Variants in NPAS3 observed in about 807,000 individuals in gnomAD.
NPAS3 encodes the protein neuronal PAS domain protein 3, also known as neuronal PAS domain-containing protein 3.
In NPAS3, 14 loss-of-function variants were observed where a neutral mutation model predicts 73.1. The ratio of observed to expected loss-of-function variants is 0.19; its 90% CI spans 0.13 to 0.30. The LOEUF (loss-of-function observed/expected upper bound fraction) is 0.30. NPAS3 is among the 10% of genes least tolerant of loss of function. The pLI is 1.00. For missense variants in NPAS3, 1,096 were observed against 1,250.0 expected (o/e 0.88, Z 1.86); for synonymous variants, 620 against 541.5 (o/e 1.14, Z -2.01).
At position 33,235,730 on chromosome 14, in the gene NPAS3, A is replaced by G. The variant is rs185912956; in HGVS notation, c.385+20304A>G. 4.5e-3 allele frequency among the ~76,000 whole-genome samples: 690 copies of G among 151,986 alleles called. 2 individuals carry two copies. Among genetic ancestry groups the G allele is most frequent in the African/African-American group, 0.016 (655 of 41,472 alleles). On this transcript the variant is annotated intron_variant, in intron 3 of 11. Transcript: ENST00000356141. ...TCTGTATTTCTTATCACTCTCAGAG[A>G]CACAGAACCAAATGAATCTTTTGAG...
chr14:33,540,002 C>T (rs986071226), intron 4 of NPAS3, among the ~76,000 whole-genome samples: 1 of 152,182 alleles, frequency 6.6e-6, no homozygotes, highest in South Asian at 2.1e-4. Flanking sequence ...CTGCCTTCAC[C>T]TCTCTTTATG....
At chr14:33,713,279 C>T (rs896114891) in intron 6 of NPAS3, among the ~76,000 whole-genome samples, 2 of 152,194 alleles carry the variant, frequency 1.3e-5, no homozygotes, top group Admixed American at 1.3e-4. Context: ...AAACAGGTTC[C>T]TTCCATCGTG....
chr14:33,267,553 T>G, intron 3 of NPAS3, among the ~76,000 whole-genome samples: 1 of 152,266 alleles, frequency 6.6e-6, no homozygotes, highest in South Asian at 2.1e-4. Flanking sequence ...AAATTAAGCT[T>G]TTTTCCCCTA....
At chr14:33,366,409 A>T (rs2045846792) in intron 3 of NPAS3, among the ~76,000 whole-genome samples, 1 of 152,080 alleles carries the variant, frequency 6.6e-6, no homozygotes, top group Non-Finnish European at 1.5e-5. Context: ...GTTAAGGATT[A>T]TGAGGACTCC....
At chr14:33,211,605 A>T (rs1194573001) in intron 2 of NPAS3, among the ~76,000 whole-genome samples, 1 of 152,172 alleles carries the variant, frequency 6.6e-6, no homozygotes, top group South Asian at 2.1e-4. Flanking sequence ...GGTTGGTGTG[A>T]TGGACTACAT....
chr14:33,168,187 T>G (rs1206556127), intron 2 of NPAS3, among the ~76,000 whole-genome samples: 1 of 152,202 alleles, frequency 6.6e-6, no homozygotes, highest in African/African-American at 2.4e-5. Flanking sequence ...CTGGAGCACA[T>G]TTGCCTCTAA....
chr14:33,445,417 A>G (rs954200236), intron 4 of NPAS3, among the ~76,000 whole-genome samples: 9 of 152,222 alleles, frequency 5.9e-5, no homozygotes, highest in Admixed American at 1.3e-4. Flanking sequence ...GTTTCACCCC[A>G]ACTCTGACAT....
chr14:32,951,770 A>C (rs1317578580), intron 1 of NPAS3, among the ~76,000 whole-genome samples: 1 of 152,126 alleles, frequency 6.6e-6, no homozygotes, highest in Admixed American at 6.6e-5. Flanking sequence ...TTTATAGAGG[A>C]ATAAATTTCT....
At chr14:33,166,888 C>T (rs1387337974) in intron 2 of NPAS3, among the ~76,000 whole-genome samples, 1 of 152,194 alleles carries the variant, frequency 6.6e-6, no homozygotes, top group Non-Finnish European at 1.5e-5. Context: ...GAATGCTTTT[C>T]ATTTCACTTA....
intron 1 of NPAS3, among the ~76,000 whole-genome samples, chr14:33,009,369 T>A (rs1255532599): frequency 6.6e-6 from 1 of 152,110 alleles, no homozygotes; most frequent in Non-Finnish European, 1.5e-5. Context: ...TTGAGAGAAT[T>A]GTGTCTTGAT....
intron 4 of NPAS3, among the ~76,000 whole-genome samples, chr14:33,412,884 T>C (rs1306521773): frequency 6.6e-6 from 1 of 152,226 alleles, no homozygotes; most frequent in Non-Finnish European, 1.5e-5. Flanking sequence ...TGCCCGAATC[T>C]GTGCTAGGAA....
chr14:33,288,485 A>G (rs1183574053), intron 3 of NPAS3, among the ~76,000 whole-genome samples: 3 of 152,056 alleles, frequency 2.0e-5, no homozygotes, highest in East Asian at 1.9e-4. Flanking sequence ...TAATATGGCA[A>G]TTTTACTTCA....
intron 1 of NPAS3, among the ~76,000 whole-genome samples, chr14:32,956,216 T>G (rs901046716): frequency 1.3e-5 from 2 of 152,096 alleles, no homozygotes; most frequent in African/African-American, 4.8e-5. Context: ...TTCACAAAAT[T>G]GTACCAATAA....
At chr14:33,459,618 G>C (rs956570006) in intron 4 of NPAS3, among the ~76,000 whole-genome samples, 2 of 152,142 alleles carry the variant, frequency 1.3e-5, no homozygotes, top group African/African-American at 2.4e-5. Flanking sequence ...TTTATCTCAT[G>C]GTGTTGCTAG....
intron 2 of NPAS3, among the ~76,000 whole-genome samples, chr14:33,182,130 C>T (rs993204766): frequency 5.3e-5 from 8 of 151,932 alleles, no homozygotes; most frequent in East Asian, 3.9e-4. Context: ...AAATGATTGA[C>T]GAGTGAAAAA....
At chr14:33,673,794 G>A (rs1344230188) in intron 5 of NPAS3, among the ~76,000 whole-genome samples, 1 of 152,210 alleles carries the variant, frequency 6.6e-6, no homozygotes, top group Non-Finnish European at 1.5e-5. Context: ...ACTTTTAGAA[G>A]AGGAAACTGA....
At chr14:33,299,627 T>C (rs2042446804) in intron 3 of NPAS3, among the ~76,000 whole-genome samples, 1 of 152,104 alleles carries the variant, frequency 6.6e-6, no homozygotes, top group South Asian at 2.1e-4. Context: ...CTGAGCTCAG[T>C]AGGATTCTAG....
intron 4 of NPAS3, among the ~76,000 whole-genome samples, chr14:33,403,955 A>G (rs1307861287): frequency 6.6e-6 from 1 of 152,196 alleles, no homozygotes; most frequent in African/African-American, 2.4e-5. Context: ...TTAAGCAGTA[A>G]GCACAAATAT....
At chr14:33,277,157 A>T (rs2041372437) in intron 3 of NPAS3, among the ~76,000 whole-genome samples, 1 of 152,182 alleles carries the variant, frequency 6.6e-6, no homozygotes, top group Non-Finnish European at 1.5e-5. Flanking sequence ...AAACACAAAA[A>T]TACCAGCCAT....
Sources: allele counts gnomAD v4.1 joint callset (sites outside exome capture counted in the v4.1 genomes callset), GRCh38; gene constraint gnomAD v4.1.1; transcripts MANE v1.5; gene names NCBI Gene and HGNC (gene_info 2026-07-23, HGNC 2026-07-21).